Variants in MLLT3 observed in about 807,000 individuals in gnomAD.
MLLT3 encodes the protein MLLT3 super elongation complex subunit, also known as protein AF-9.
Under a neutral mutation model 53.2 loss-of-function variants are expected in MLLT3, and 4 were observed. The observed-to-expected ratio is 0.08, with a 90% CI of 0.04 to 0.17. The LOEUF is 0.17. Among genes scored for constraint, MLLT3 ranks in the 10% least tolerant of loss-of-function variants. The pLI is 1.00. For synonymous variants in MLLT3, 283 were observed against 230.6 expected (o/e 1.23, Z -2.06); for missense variants, 569 against 684.0 (o/e 0.83, Z 1.87).
At chr9:20,500,529 G>A (rs1274479355) in intron 2 of MLLT3, among the ~76,000 whole-genome samples, 8 of 152,152 alleles carry the variant, frequency 5.3e-5, no homozygotes, top group African/African-American at 9.7e-5. Flanking sequence ...GAGCATGTGG[G>A]TGAAAGATAA....
chr9:20,565,968 TTATATATATA>T (rs373749428), intron 2 of MLLT3, among the ~76,000 whole-genome samples: 1 of 32,792 alleles, frequency 3.0e-5, no homozygotes. Flanking sequence ...ATATATATAT[TTATATATATA>T]TATATTTATT....
intron 2 of MLLT3, among the ~76,000 whole-genome samples, chr9:20,584,949 T>C (rs1819912870): frequency 6.6e-6 from 1 of 152,254 alleles, no homozygotes; most frequent in Non-Finnish European, 1.5e-5. Flanking sequence ...TGGGCAGTTA[T>C]AAATAAAGCT....
intron 2 of MLLT3, among the ~76,000 whole-genome samples, chr9:20,582,243 G>A (rs1453924863): frequency 2.0e-5 from 3 of 152,058 alleles, no homozygotes; most frequent in African/African-American, 7.2e-5. Context: ...ATTAACTAAA[G>A]TCCATCCCTT....
At chr9:20,608,769 CATTT>C in intron 2 of MLLT3, among the ~76,000 whole-genome samples, 1 of 152,084 alleles carries the variant, frequency 6.6e-6, no homozygotes, top group East Asian at 1.9e-4. Context: ...CCCATACATA[CATTT>C]AAATACTAGT....
At chr9:20,375,591 A>ATTTTTTTTTT (rs111532941) in intron 5 of MLLT3, among the ~76,000 whole-genome samples, 1 of 126,142 alleles carries the variant, frequency 7.9e-6, no homozygotes, top group African/African-American at 3.8e-5. Context: ...TATTTCAGTA[A>ATTTTTTTTTT]TTTTTTTTTT....
chr9:20,357,478 T>A (rs1413837598), intron 8 of MLLT3, among the ~76,000 whole-genome samples: 1 of 152,240 alleles, frequency 6.6e-6, no homozygotes, highest in East Asian at 1.9e-4. Flanking sequence ...TGTGGTTTAG[T>A]AGCACTTTTG....
chr9:20,441,686 A>G (rs1823559482), intron 4 of MLLT3, among the ~76,000 whole-genome samples: 2 of 152,308 alleles, frequency 1.3e-5, no homozygotes, highest in African/African-American at 4.8e-5. Context: ...TGACAATTAC[A>G]GAATTATATA....
At chr9:20,605,912 A>G (rs1286874958) in intron 2 of MLLT3, among the ~76,000 whole-genome samples, 2 of 152,134 alleles carry the variant, frequency 1.3e-5, no homozygotes, top group African/African-American at 4.8e-5. Flanking sequence ...ATTACTTAAC[A>G]TTTAATAATT....
At chr9:20,587,840 G>T (rs1820015432) in intron 2 of MLLT3, among the ~76,000 whole-genome samples, 2 of 152,082 alleles carry the variant, frequency 1.3e-5, no homozygotes, top group African/African-American at 4.8e-5. Context: ...AAGCTCTTTA[G>T]TTTACTTAGA....
At chr9:20,523,332 T>C (rs1458543018) in intron 2 of MLLT3, among the ~76,000 whole-genome samples, 3 of 152,220 alleles carry the variant, frequency 2.0e-5, no homozygotes, top group African/African-American at 2.4e-5. Flanking sequence ...AAACTAAACA[T>C]ACTCTTACCA....
chr9:20,476,611 C>T (rs1484915054), intron 2 of MLLT3, among the ~76,000 whole-genome samples: 1 of 151,886 alleles, frequency 6.6e-6, no homozygotes, highest in Non-Finnish European at 1.5e-5. Flanking sequence ...AAAATTACAC[C>T]AGAGGCTCTA....
intron 10 of MLLT3, among the ~76,000 whole-genome samples, chr9:20,347,487 G>A (rs528862927): frequency 3.9e-5 from 6 of 152,220 alleles, no homozygotes; most frequent in South Asian, 4.2e-4. Context: ...CAGAGATGAC[G>A]GTTACTATTA....
intron 2 of MLLT3, among the ~76,000 whole-genome samples, chr9:20,517,241 C>T (rs1255751846): frequency 6.6e-6 from 1 of 152,034 alleles, no homozygotes; most frequent in African/African-American, 2.4e-5. Flanking sequence ...TATTGGCCAA[C>T]AGTTTCTACC....
At chr9:20,435,988 C>T (rs544901329) in intron 4 of MLLT3, among the ~76,000 whole-genome samples, 52 of 152,166 alleles carry the variant, frequency 3.4e-4, no homozygotes, top group African/African-American at 1.2e-3. Flanking sequence ...AAGTCAGCCA[C>T]GGTAAACTAA....
At position 20,369,471 on chromosome 9, in the gene MLLT3, C is replaced by T. The variant is rs143500089; in HGVS notation, c.1126-3727G>A. On this transcript the variant is annotated intron_variant, in intron 5 of 10. Coordinates refer to ENST00000380338, the MANE Select transcript of MLLT3 (RefSeq NM_004529.4). ...CTTATCCAGAGGCAGCTTGAAAGAA[C>T]GCAATTGCCACTTAATGAAAACATT... Among the ~76,000 whole-genome samples, 96 of 152,212 alleles carry T rather than the reference C, an allele frequency of 6.3e-4. 1 individual carries two copies. In the East Asian group the frequency reaches 0.014, roughly 22 times the overall value.
chr9:20,357,981 GCACA>G (rs3222132), intron 8 of MLLT3, among the ~76,000 whole-genome samples: 487 of 139,404 alleles, frequency 3.5e-3, no homozygotes, highest in South Asian at 0.014. Flanking sequence ...TCCCTCCTGC[GCACA>G]CACACACACA....
At chr9:20,363,209 C>T (rs567900880) in intron 7 of MLLT3, 1 of 352,632 alleles carries the variant, frequency 2.8e-6, no homozygotes, top group African/African-American at 2.1e-5. Context: ...GTCAGTCCTG[C>T]CACTTGGCAT....
chr9:20,431,701 C>T (rs1823274049), intron 4 of MLLT3, among the ~76,000 whole-genome samples: 1 of 151,980 alleles, frequency 6.6e-6, no homozygotes, highest in Non-Finnish European at 1.5e-5. Flanking sequence ...CAAAAAGGTT[C>T]ATAATTGCAA....
intron 4 of MLLT3, among the ~76,000 whole-genome samples, chr9:20,432,527 A>G (rs1484606712): frequency 6.6e-6 from 1 of 152,160 alleles, no homozygotes; most frequent in Non-Finnish European, 1.5e-5. Context: ...GCTGATACGT[A>G]ACTTCAGCAA....
Sources: gnomAD v4.1 joint callset for allele counts (sites outside exome capture counted in the v4.1 genomes callset) on GRCh38, gnomAD v4.1.1 for gene constraint, MANE v1.5 for transcripts, NCBI Gene and HGNC (gene_info 2026-07-23, HGNC 2026-07-21) for gene names.